The following SIRT3 variants were observed in gnomAD, a reference collection of about 807,000 sequenced individuals.
SIRT3 encodes sirtuin 3.
In SIRT3, 26 loss-of-function variants were observed where a neutral mutation model predicts 33.5. The ratio of observed to expected loss-of-function variants is 0.78; its 90% confidence interval spans 0.57 to 1.08. The LOEUF (loss-of-function observed/expected upper bound fraction) is 1.08, where lower values mean the gene tolerates loss of function less well. SIRT3 is among the 50% of genes least tolerant of loss of function. The probability of loss-of-function intolerance (pLI) is 0.00; values close to 1 mark genes in which losing one functional copy is unlikely to be tolerated. For missense variants in SIRT3, 585 were observed against 530.1 expected (o/e 1.10, Z -1.02); for synonymous variants, 237 against 222.1 (o/e 1.07, Z -0.60).
At position 236,263 on chromosome 11, in the gene SIRT3, G is replaced by C; in HGVS notation, c.66C>G (p.Val22=). Residue 22 remains valine, a synonymous_variant, in exon 1 of 7, where the codon GTC becomes GTG. Transcript: ENST00000382743. The stretch of plus-strand genomic sequence containing the variant: ...ACGGCCCCACGCCTCCCCCGGCCTC[G>C]ACCCGTTCAACTACCCGGCCCCACA... ...LRLWGRVVER[V]EAGGGVGPFQ... is the part of the protein sequence containing the mutation. 6.5e-7 allele frequency: 1 copy of C among 1,543,584 alleles called. No individual in the cohort carries two copies. The highest frequency in any genetic ancestry group is 8.7e-7 in the Non-Finnish European group (1 of 1,149,828).
intron 1 of SIRT3, 127 bp from the exon 2 acceptor site, chr11:233,661 C>G (rs1858439571): frequency 1.2e-6 from 1 of 815,688 alleles, no homozygotes; most frequent in Non-Finnish European, 1.9e-6. Flanking sequence ...TCTCCCCAGG[C>G]CTCTCAAAAT....
rs199824196 is a variant in SIRT3 at position 216,340 on chromosome 11, T to C, written c.*358A>G. ...ACAGATGCCGAGCTTGCCGTTCAAC[T>C]AGGCACAGAAAGCAGACTCGGTCTG... On this transcript the variant is annotated 3_prime_UTR_variant, in exon 7 of 7. Coordinates refer to ENST00000382743, the MANE Select transcript of SIRT3 (RefSeq NM_012239.6). 3 of 252,662 alleles carry C rather than the reference T, an allele frequency of 1.2e-5. No homozygotes were observed. The highest frequency in any genetic ancestry group is 5.5e-5 in the Admixed American group (1 of 18,218). 15.7% of individuals were successfully genotyped at this position (252,662 alleles called of 1,614,324 possible).
At chr11:230,735 AG>A in intron 3 of SIRT3, 183 bp from the exon 4 acceptor site, 1 of 398,738 alleles carries the variant, frequency 2.5e-6, no homozygotes, top group Non-Finnish European at 4.4e-6. Flanking sequence ...AGAATAAGGC[AG>A]GGGAGCAAAG....
At chr11:236,926 T>G (rs2133974657), upstream of SIRT3, 1 of 801,932 alleles carries the variant, frequency 1.2e-6, no homozygotes, top group Non-Finnish European at 2.1e-6. Context: ...GCCCCCGGCC[T>G]GCTACGGCGC....
intron 3 of SIRT3, 112 bp downstream of exon 3, chr11:232,871 C>G (rs1590210055): frequency 9.8e-7 from 1 of 1,018,972 alleles, no homozygotes; most frequent in Non-Finnish European, 1.5e-6. Flanking sequence ...TCCCCAGAAA[C>G]AGGCACCCGA....
rs1297493278 is a variant in SIRT3 at position 215,965 on chromosome 11, C to T, written c.*733G>A. 1 of 152,442 alleles carries T rather than the reference C, an allele frequency of 6.6e-6. No individual in the cohort carries two copies. Among genetic ancestry groups the T allele is most frequent in the East Asian group, 1.9e-4 (1 of 5,192 alleles). 9.4% of individuals were successfully genotyped at this position (152,442 alleles called of 1,614,324 possible). A position where few individuals can be genotyped will look rare whatever the true frequency, so the allele number is the denominator to read the frequency against. ...GGAATGTTCTGGAACAGATCTGTTT[C>T]TGGAGGAGAGGCTGAGTATGGAGAG... On this transcript the variant is annotated 3_prime_UTR_variant, in exon 7 of 7. Transcript: ENST00000382743.
chr11:230,046 G>A (rs1283521223), intron 4 of SIRT3, among the ~76,000 whole-genome samples: 1 of 151,618 alleles, frequency 6.6e-6, no homozygotes, highest in Non-Finnish European at 1.5e-5. Context: ...AAATAAGCTC[G>A]GCACAAAAGG....
At chr11:220,835 A>C (rs1856348590) in intron 5 of SIRT3, among the ~76,000 whole-genome samples, 1 of 149,390 alleles carries the variant, frequency 6.7e-6, no homozygotes, top group Non-Finnish European at 1.5e-5. Flanking sequence ...TATTCACCGG[A>C]AGGCAAGTTC....
At chr11:232,757 G>A (rs1302535519) in intron 3 of SIRT3, among the ~76,000 whole-genome samples, 13 of 152,188 alleles carry the variant, frequency 8.5e-5, no homozygotes, top group African/African-American at 2.9e-4. Flanking sequence ...AGAACAAGCA[G>A]TGGCCTTTAA....
At position 236,221 on chromosome 11, in the gene SIRT3, A is replaced by AC. The variant is rs763954753; in HGVS notation, c.107dup (p.Cys36TrpfsTer24). On this transcript the variant is annotated frameshift_variant, in exon 1 of 7. Coordinates refer to ENST00000382743, the MANE Select transcript of SIRT3 (RefSeq NM_012239.6). LOFTEE classifies it high-confidence loss of function. ...CGTCCCTGCCGCCAAGCACCAGCCGACAGCCGCAGGCCTGAAACGGCCCCA... is the reference window on the plus strand; with the variant it reads ...CGTCCCTGCCGCCAAGCACCAGCCGACCAGCCGCAGGCCTGAAACGGCCCCA... 338 of 1,558,970 alleles carry AC rather than the reference A, an allele frequency of 2.2e-4. No individual in the cohort carries two copies. Among genetic ancestry groups the AC allele is most frequent in the Non-Finnish European group, 2.7e-4 (312 of 1,155,768 alleles).
At chr11:220,499 G>A (rs566673455) in intron 5 of SIRT3, among the ~76,000 whole-genome samples, 4 of 152,050 alleles carry the variant, frequency 2.6e-5, no homozygotes, top group African/African-American at 9.6e-5. Flanking sequence ...AACACAACTG[G>A]CAATAAACAT....
chr11:219,108 C>G (rs1856057711), intron 5 of SIRT3, 67 bp from the exon 6 acceptor site: 1 of 1,515,088 alleles, frequency 6.6e-7, no homozygotes, highest in Non-Finnish European at 8.9e-7. Context: ...TGTTTCATGC[C>G]ACAGCCACCG....
At chr11:226,865 T>C (rs1245077009) in intron 4 of SIRT3, among the ~76,000 whole-genome samples, 2 of 151,420 alleles carry the variant, frequency 1.3e-5, no homozygotes, top group Non-Finnish European at 1.5e-5. Flanking sequence ...GCAATTCGCC[T>C]GCCTCAGCCT....
intron 6 of SIRT3, among the ~76,000 whole-genome samples, chr11:217,974 GT>G (rs1217927818): frequency 6.6e-6 from 1 of 152,206 alleles, no homozygotes; most frequent in Non-Finnish European, 1.5e-5. Context: ...ATAAAGGGCA[GT>G]TCCCCCGCAC....
At chr11:226,859 T>G (rs970430634) in intron 4 of SIRT3, among the ~76,000 whole-genome samples, 4 of 151,064 alleles carry the variant, frequency 2.6e-5, no homozygotes, top group African/African-American at 9.7e-5. Flanking sequence ...GTTCAAGCAA[T>G]TCGCCTGCCT....
chr11:232,380 A>G (rs1043477473), intron 3 of SIRT3, among the ~76,000 whole-genome samples: 1 of 151,974 alleles, frequency 6.6e-6, no homozygotes, highest in Non-Finnish European at 1.5e-5. Flanking sequence ...CGGCCTCCCA[A>G]AATGCTGGGA....
At chr11:217,904 C>A (rs1055716018) in intron 6 of SIRT3, among the ~76,000 whole-genome samples, 1 of 152,138 alleles carries the variant, frequency 6.6e-6, no homozygotes. Flanking sequence ...ATCATGGGGG[C>A]GGGTCTTTCC....
Position 226,243 on chromosome 11 carries a change from C to T in SIRT3, c.808-2004G>A, listed in dbSNP as rs905001067. On this transcript the variant is annotated intron_variant, in intron 4 of 6. Transcript: ENST00000382743. ...TGAAAAGGGCTGGTTTCTGTTTAGC[C>T]CTTAGTGAAGAAGCCTAATGGTGGC... Among the ~76,000 whole-genome samples the T allele has an allele frequency of 2.0e-5, 3 of 151,932 alleles. No individual in the cohort carries two copies. In the East Asian group the frequency reaches 5.8e-4, roughly 29 times the overall value.
chr11:228,435 A>G (rs1173184997), intron 4 of SIRT3, among the ~76,000 whole-genome samples: 3 of 152,264 alleles, frequency 2.0e-5, no homozygotes, highest in African/African-American at 7.2e-5. Context: ...GGATATACAG[A>G]TAACAATGGA....
Sources: allele counts gnomAD v4.1 joint callset (sites outside exome capture counted in the v4.1 genomes callset), GRCh38; gene constraint gnomAD v4.1.1; transcripts MANE v1.5; gene names NCBI Gene and HGNC (gene_info 2026-07-23, HGNC 2026-07-21).